SLIT3: variants seen among roughly 807,000 people sequenced by gnomAD.
SLIT3 encodes the protein slit guidance ligand 3.
SLIT3 carries 68 observed loss-of-function variants against 184.0 expected under a neutral mutation model. The ratio of observed to expected loss-of-function variants is 0.37; its 90% confidence interval spans 0.30 to 0.45. The LOEUF is 0.45. SLIT3 is among the 20% of genes least tolerant of loss of function. The pLI is 1.00. For missense variants in SLIT3, 1,707 were observed against 2,026.0 expected (o/e 0.84, Z 3.02); for synonymous variants, 831 against 828.6 (o/e 1.00, Z -0.05).
At chr5:168,712,134 A>G (rs952301465) in intron 24 of SLIT3, 149 bp downstream of exon 24, 1 of 685,334 alleles carries the variant, frequency 1.5e-6, no homozygotes, top group South Asian at 1.7e-5. Flanking sequence ...AAACAAGACA[A>G]TATGCATAGT....
intron 26 of SLIT3, among the ~76,000 whole-genome samples, chr5:168,703,186 T>C (rs1201105038): frequency 6.6e-6 from 1 of 151,952 alleles, no homozygotes. Context: ...TTTGTGGTGC[T>C]CCTTGGTCCT....
Position 168,669,920 on chromosome 5 carries a change from T to C in SLIT3, c.4199A>G (p.Asp1400Gly), listed in dbSNP as rs1656405669. The C allele has an allele frequency of 3.7e-6, 6 of 1,614,094 alleles. No individual in the cohort carries two copies. Among genetic ancestry groups the C allele is most frequent in the African/African-American group, 1.3e-5 (1 of 75,030 alleles). Residue 1400 changes from aspartate to glycine, a missense_variant, in exon 35 of 36, where the codon GAC becomes GGC. This residue lies in a region of SLIT3 where 387 missense variants were observed against 477.9 expected (regional missense o/e 0.81). Transcript: ENST00000519560. Reference protein sequence around the residue: ...MCKCAEGYGGDLCDNKNDSAN... With the variant: ...MCKCAEGYGGGLCDNKNDSAN... The stretch of plus-strand genomic sequence containing the variant: ...AGAGTCATTCTTGTTGTCACACAAG[T>C]CCCCTCCATAGCCCTCGGCACACTT...
intron 4 of SLIT3, among the ~76,000 whole-genome samples, chr5:169,104,800 A>G (rs1480993945): frequency 6.6e-6 from 1 of 152,218 alleles, no homozygotes; most frequent in Admixed American, 6.5e-5. Flanking sequence ...AGCTCAAAAG[A>G]AAACTCTCAG....
chr5:169,265,687 C>T (rs1766371410), intron 1 of SLIT3, among the ~76,000 whole-genome samples: 2 of 152,116 alleles, frequency 1.3e-5, no homozygotes, highest in African/African-American at 4.8e-5. Context: ...ACAGTACCTA[C>T]CTCCTAGGAT....
At chr5:169,156,744 G>A (rs1762319712) in intron 4 of SLIT3, among the ~76,000 whole-genome samples, 1 of 152,220 alleles carries the variant, frequency 6.6e-6, no homozygotes, top group Non-Finnish European at 1.5e-5. Context: ...GCTATCTAGA[G>A]GACTTCTACT....
chr5:168,868,471 C>G (rs980565657), intron 5 of SLIT3, among the ~76,000 whole-genome samples: 1 of 152,080 alleles, frequency 6.6e-6, no homozygotes, highest in Non-Finnish European at 1.5e-5. Context: ...ATGGCTTGGC[C>G]GGGCGCAGCG....
rs201344625 is a variant in SLIT3, at chr5:168,817,401, C to G, written c.692G>C (p.Arg231Pro). Residue 231 changes from arginine to proline, a missense_variant, in exon 8 of 36, where the codon CGA (arginine) becomes CCA (proline). Around this residue, in one of 3 missense-constraint regions of SLIT3, gnomAD observed 1,307 missense variants for 1,511.6 expected, o/e 0.86. Coordinates refer to ENST00000519560, the MANE Select transcript of SLIT3 (RefSeq NM_003062.4). The stretch of plus-strand genomic sequence containing the variant: ...GAACTGGCCAACTGTCCGTCGCTGT[C>G]GCAGCCAATCCGAGAGCCAGGCCAG... ...CHLAWLSDWL[R>P]QRRTVGQFTL... 6.2e-7 allele frequency: 1 copy of G among 1,614,066 alleles called. No homozygotes were observed. Among genetic ancestry groups the G allele is most frequent in the Non-Finnish European group, 8.5e-7 (1 of 1,180,048 alleles).
At chr5:168,739,414 T>C (rs1763546026) in intron 20 of SLIT3, among the ~76,000 whole-genome samples, 1 of 147,116 alleles carries the variant, frequency 6.8e-6, no homozygotes, top group Non-Finnish European at 1.5e-5. Flanking sequence ...TCGCTTTTTC[T>C]TTCTTTTTAT....
chr5:169,098,170 C>G (rs1364588876), intron 4 of SLIT3, among the ~76,000 whole-genome samples: 4 of 151,976 alleles, frequency 2.6e-5, no homozygotes, highest in Non-Finnish European at 5.9e-5. Flanking sequence ...GGGTTTCATG[C>G]CTTAGAGTTA....
chr5:169,067,506 A>G lies in SLIT3; in HGVS notation c.413+125973T>C, dbSNP rs1758400103. ...CCATCCATCTCTGTGCCTCCACGGC[A>G]AAAGGCTGGGAGGCTGAGAAGTGGA... On this transcript the variant is annotated intron_variant, in intron 4 of 35. Coordinates refer to ENST00000519560, the MANE Select transcript of SLIT3 (RefSeq NM_003062.4). Among the ~76,000 whole-genome samples the G allele has an allele frequency of 1.3e-5, 2 of 152,348 alleles. 1 individual carries two copies. The highest frequency in any genetic ancestry group is 4.8e-5 in the African/African-American group (2 of 41,596).
intron 3 of SLIT3, among the ~76,000 whole-genome samples, chr5:169,213,756 T>C (rs1447585877): frequency 2.0e-5 from 3 of 152,250 alleles, no homozygotes; most frequent in African/African-American, 4.8e-5. Flanking sequence ...TAAAAACTTT[T>C]TTCTCTTCCT....
chr5:168,817,365 A>G lies in SLIT3; in HGVS notation c.728T>C (p.Met243Thr), dbSNP rs1757366848. Residue 243 changes from methionine (M) to threonine (T), a missense_variant, in exon 8 of 36, where the codon ATG (methionine) becomes ACG (threonine). This residue lies in a region of SLIT3 where 1,307 missense variants were observed against 1,511.6 expected (regional missense o/e 0.86). Coordinates refer to ENST00000519560, the MANE Select transcript of SLIT3 (RefSeq NM_003062.4). ...GAAGCCCCTCAAATGCACAGGAGCC[A>G]TGCAGAGTGTGAACTGGCCAACTGT... is the stretch of plus-strand genomic sequence containing the variant. ...RRTVGQFTLC[M>T]APVHLRGFNV... 2 of 1,614,088 alleles carry G rather than the reference A, an allele frequency of 1.2e-6. No individual in the cohort carries two copies. Among genetic ancestry groups the G allele is most frequent in the Admixed American group, 1.7e-5 (1 of 60,008 alleles).
At chr5:168,959,321 C>T (rs531973923) in intron 4 of SLIT3, among the ~76,000 whole-genome samples, 2 of 152,236 alleles carry the variant, frequency 1.3e-5, no homozygotes, top group Non-Finnish European at 2.9e-5. Flanking sequence ...AAAGTCTCTT[C>T]CAAGAATAAC....
chr5:169,244,902 G>T, intron 2 of SLIT3, 126 bp from the exon 3 acceptor site: 1 of 797,320 alleles, frequency 1.3e-6, no homozygotes, highest in Non-Finnish European at 2.1e-6. Context: ...CTTCAACTGG[G>T]ATCAGTCTGA....
intron 3 of SLIT3, among the ~76,000 whole-genome samples, chr5:169,203,107 T>C (rs1763954069): frequency 6.6e-6 from 1 of 152,166 alleles, no homozygotes; most frequent in East Asian, 1.9e-4. Flanking sequence ...AAAGGCACTG[T>C]GAGTCCTCTA....
At chr5:169,028,749 G>C (rs1388258228) in intron 4 of SLIT3, among the ~76,000 whole-genome samples, 2 of 152,176 alleles carry the variant, frequency 1.3e-5, no homozygotes, top group African/African-American at 4.8e-5. Flanking sequence ...TAATTGATGA[G>C]TAAAATCCTA....
At chr5:169,093,656 G>T (rs2113209865) in intron 4 of SLIT3, among the ~76,000 whole-genome samples, 1 of 152,294 alleles carries the variant, frequency 6.6e-6, no homozygotes, top group African/African-American at 2.4e-5. Context: ...GTTTTTATAA[G>T]AAGTAATATA....
Position 169,300,984 on chromosome 5 carries a change from G to T in SLIT3, c.-275C>A, listed in dbSNP as rs1767671891. 5.9e-6 allele frequency: 1 copy of T among 169,694 alleles called. No individual in the cohort carries two copies. The highest frequency in any genetic ancestry group is 1.9e-4 in the South Asian group (1 of 5,336). 10.5% of individuals were successfully genotyped at this position (169,694 alleles called of 1,614,324 possible). Reference sequence around the variant, plus strand: ...CAGGTGCGGAGCGCCCCCTGGCCCCGCTGGCCCGCGGGCCGGGTTGGGGAC... The same window carrying T: ...CAGGTGCGGAGCGCCCCCTGGCCCCTCTGGCCCGCGGGCCGGGTTGGGGAC... On this transcript the variant is annotated 5_prime_UTR_variant, in exon 1 of 36. Coordinates refer to ENST00000519560, the MANE Select transcript of SLIT3 (RefSeq NM_003062.4). The surrounding 1 kb of genome is among the most constrained non-coding windows in gnomAD (Gnocchi z 4.1).
chr5:169,293,286 T>A (rs1056931578), intron 1 of SLIT3, among the ~76,000 whole-genome samples: 2 of 152,138 alleles, frequency 1.3e-5, no homozygotes, highest in East Asian at 1.9e-4. Context: ...GTGGTTTTTT[T>A]AATGGAATAA....
Sources: gnomAD v4.1 joint callset for allele counts (sites outside exome capture counted in the v4.1 genomes callset) on GRCh38, gnomAD v4.1.1 for gene constraint, gnomAD v4.1.1 regional missense constraint, Gnocchi (gnomAD v3.1) non-coding constraint, MANE v1.5 for transcripts, NCBI Gene and HGNC (gene_info 2026-07-23, HGNC 2026-07-21) for gene names.